Variants in POLR1A observed in about 807,000 individuals in gnomAD.
POLR1A encodes RNA polymerase I subunit A.
POLR1A carries 84 observed loss-of-function variants against 205.3 expected under a neutral mutation model. The ratio of observed to expected loss-of-function variants is 0.41; its 90% CI spans 0.34 to 0.49. The LOEUF is 0.49. Among genes scored for constraint, POLR1A ranks in the 20% least tolerant of loss-of-function variants. The probability of loss-of-function intolerance (pLI) is 0.22; values close to 1 mark genes in which losing one functional copy is unlikely to be tolerated. For synonymous variants in POLR1A, 799 were observed against 863.7 expected, an observed-to-expected ratio of 0.93 and a Z score of 1.31; for missense variants, 1,645 against 2,204.5, an observed-to-expected ratio of 0.75 and a Z score of 5.08.
At chr2:86,093,704 C>T (rs1673651843) in intron 3 of POLR1A, among the ~76,000 whole-genome samples, 1 of 152,112 alleles carries the variant, frequency 6.6e-6, no homozygotes, top group South Asian at 2.1e-4. Context: ...GTGGTGCATG[C>T]CTGTAGTTCC....
rs1483367625 is a variant in POLR1A, at chr2:86,105,802, C to T, written c.-26G>A. ...CCTCCAGGTCCGTTTTGAATTCCGA[C>T]ACCCCAAGAGACGTTCCACTCACCA... On this transcript the variant is annotated 5_prime_UTR_variant, in exon 1 of 34. Transcript: ENST00000263857. 1.9e-6 allele frequency: 3 copies of T among 1,594,856 alleles called. No homozygotes were observed. The highest frequency in any genetic ancestry group is 1.1e-5 in the South Asian group (1 of 90,682).
At position 86,031,653 on chromosome 2, in the gene POLR1A, A is replaced by G; in HGVS notation, c.4273-18T>C. Reference sequence around the variant, plus strand: ...TAATCAACCTGGCAGAAAAGGGAGCACAGGCTGTGTCACTTGGGGACCCAC... The same window carrying G: ...TAATCAACCTGGCAGAAAAGGGAGCGCAGGCTGTGTCACTTGGGGACCCAC... On this transcript the variant is annotated intron_variant, in intron 29 of 33. Coordinates refer to ENST00000263857, the MANE Select transcript of POLR1A (RefSeq NM_015425.6). The G allele has an allele frequency of 6.3e-7, 1 of 1,596,498 alleles. No individual in the cohort carries two copies. The highest frequency in any genetic ancestry group is 8.5e-7 in the Non-Finnish European group (1 of 1,170,090).
intron 3 of POLR1A, among the ~76,000 whole-genome samples, chr2:86,092,828 A>G (rs576582014): frequency 6.6e-6 from 1 of 152,314 alleles, no homozygotes; most frequent in East Asian, 1.9e-4. Flanking sequence ...CTCTCTCAAA[A>G]AAAAAGAAAG....
At chr2:86,099,056 C>A (rs1243131479) in intron 2 of POLR1A, among the ~76,000 whole-genome samples, 2 of 152,080 alleles carry the variant, frequency 1.3e-5, no homozygotes, top group Non-Finnish European at 2.9e-5. Context: ...GACTTCTCAG[C>A]CAGGTGCGGT....
In POLR1A at chr2:86,039,584, G is replaced by A; in HGVS notation, c.3741-122C>T. The A allele has an allele frequency of 3.5e-6, 4 of 1,147,076 alleles. No individual in the cohort carries two copies. The South Asian group carries it at 5.5e-5, about 16-fold the overall frequency. The allele number at this position is 1,147,076 out of a possible 1,614,324, so 71.1% of individuals were successfully genotyped here. A position where few individuals can be genotyped will look rare whatever the true frequency, so the allele number is the denominator to read the frequency against. On this transcript the variant is annotated intron_variant, in intron 25 of 33. Transcript: ENST00000263857. ...TGAGAGAGGCCTGGGGATCTCACAG[G>A]GATAATATGCTAGATCAGAGAATCC...
intron 12 of POLR1A, among the ~76,000 whole-genome samples, chr2:86,071,228 ATGTG>A (rs3077169): frequency 2.3e-5 from 1 of 43,620 alleles, no homozygotes; most frequent in African/African-American, 5.4e-5. Flanking sequence ...CTCCGTGTGC[ATGTG>A]TGTGTGTGTG....
rs761226370 is a variant in POLR1A, at chr2:86,052,886, C to T, written c.2323G>A (p.Gly775Ser). ...CGGGCCAGGCAGGTTAGAACCTTGC[C>T]GCTGGTCTCGCCTCCATAGATCTCA... Reference protein sequence around the residue: ...CYEIYGGETSGKVLTCLARLF... With the variant: ...CYEIYGGETSSKVLTCLARLF... The change falls in exon 16 of 34, where the codon GGC becomes AGC. Residue 775 changes from glycine (G) to serine (S), a missense_variant. Coordinates refer to ENST00000263857, the MANE Select transcript of POLR1A (RefSeq NM_015425.6). The T allele has an allele frequency of 1.8e-5, 29 of 1,607,264 alleles. No homozygotes were observed. The Admixed American group carries it at 2.0e-4, about 11-fold the overall frequency.
chr2:86,029,070 G>A (rs11899576), intron 31 of POLR1A, among the ~76,000 whole-genome samples: 24,976 of 152,222 alleles, frequency 0.16, 4,715 homozygotes, highest in African/African-American at 0.45. Flanking sequence ...CCCTAGCAGC[G>A]ACACATTACA....
chr2:86,076,426 T>C (rs1357890915), intron 11 of POLR1A, among the ~76,000 whole-genome samples: 1 of 152,252 alleles, frequency 6.6e-6, no homozygotes, highest in Non-Finnish European at 1.5e-5. Flanking sequence ...TCTCCACCCC[T>C]GGACACTGCT....
chr2:86,066,849 A>G (rs966923684), intron 13 of POLR1A, among the ~76,000 whole-genome samples: 3 of 152,220 alleles, frequency 2.0e-5, no homozygotes, highest in African/African-American at 7.2e-5. Flanking sequence ...AGCCCCTCTT[A>G]TGAAGGCTTT....
At chr2:86,092,067 G>A (rs1335552121) in intron 3 of POLR1A, among the ~76,000 whole-genome samples, 1 of 152,160 alleles carries the variant, frequency 6.6e-6, no homozygotes, top group East Asian at 1.9e-4. Context: ...AGTGAGCCAA[G>A]ACTGTGCCAC....
Position 86,102,814 on chromosome 2 carries a change from A to T in POLR1A, c.78-2642T>A, listed in dbSNP as rs150462787. Among the ~76,000 whole-genome samples, 110 of 152,364 alleles carry T rather than the reference A, an allele frequency of 7.2e-4. 1 individual carries two copies. The highest frequency in any genetic ancestry group is 2.4e-3 in the African/African-American group (100 of 41,582). On this transcript the variant is annotated intron_variant, in intron 1 of 33. Coordinates refer to ENST00000263857, the MANE Select transcript of POLR1A (RefSeq NM_015425.6). Reference sequence around the variant, plus strand: ...AGTAGAGTTTGAGATCAATAGACTTAGGTTTGAAGATGACCTTTGCCACTT... The same window carrying T: ...AGTAGAGTTTGAGATCAATAGACTTTGGTTTGAAGATGACCTTTGCCACTT...
At chr2:86,066,034 C>T (rs933788776) in intron 13 of POLR1A, among the ~76,000 whole-genome samples, 1 of 152,146 alleles carries the variant, frequency 6.6e-6, no homozygotes, top group African/African-American at 2.4e-5. Context: ...TGGATAAATA[C>T]AATATCACAA....
intron 11 of POLR1A, among the ~76,000 whole-genome samples, chr2:86,077,232 T>C (rs551703021): frequency 1.3e-5 from 2 of 152,190 alleles, no homozygotes; most frequent in Non-Finnish European, 2.9e-5. Context: ...AGGCTGCTGC[T>C]GCTGAGCACC....
In POLR1A at chr2:86,100,236, C is replaced by T. The variant is rs1014904866; in HGVS notation, c.78-64G>A. The T allele has an allele frequency of 2.5e-5, 30 of 1,212,052 alleles. No individual in the cohort carries two copies. The African/African-American group carries it at 4.0e-4, about 16-fold the overall frequency. The allele number at this position is 1,212,052 out of a possible 1,614,324, so 75.1% of individuals were successfully genotyped here. ...ACCAACCTCTCTGATGTTTCCTTTC[C>T]AGCACAAACCTATAGTTAAGTGATT... On this transcript the variant is annotated intron_variant, in intron 1 of 33. Coordinates refer to ENST00000263857, the MANE Select transcript of POLR1A (RefSeq NM_015425.6).
intron 26 of POLR1A, 121 bp from the exon 27 acceptor site, chr2:86,038,978 C>A: frequency 1.2e-6 from 1 of 869,114 alleles, no homozygotes; most frequent in Admixed American, 2.3e-5. Flanking sequence ...GGCCAAACCC[C>A]AAAGAAACCC....
At chr2:86,097,918 G>A (rs1055894497) in intron 3 of POLR1A, among the ~76,000 whole-genome samples, 6 of 152,160 alleles carry the variant, frequency 3.9e-5, no homozygotes, top group Admixed American at 2.0e-4. Flanking sequence ...AATGATAAAT[G>A]TTTGAGAGAA....
At chr2:86,090,012 G>A in intron 3 of POLR1A, 83 bp from the exon 4 acceptor site, 1 of 726,036 alleles carries the variant, frequency 1.4e-6, no homozygotes, top group East Asian at 2.5e-5. Context: ...CCTCTCCAAG[G>A]GTGGAAAAGA....
At chr2:86,042,637 A>AC (rs1288957175) in intron 23 of POLR1A, among the ~76,000 whole-genome samples, 6 of 151,824 alleles carry the variant, frequency 4.0e-5, no homozygotes, top group Non-Finnish European at 8.8e-5. Context: ...TTTATCCTCA[A>AC]CCCCCCTCTA....
Sources: allele counts gnomAD v4.1 joint callset (sites outside exome capture counted in the v4.1 genomes callset), GRCh38; gene constraint gnomAD v4.1.1; transcripts MANE v1.5; gene names NCBI Gene and HGNC (gene_info 2026-07-23, HGNC 2026-07-21).